AIM2: variants seen among roughly 807,000 people sequenced by gnomAD.
AIM2 encodes the protein interferon-inducible protein AIM2.
In AIM2, 30 loss-of-function variants were observed where a neutral mutation model predicts 27.7. That is an observed-to-expected ratio of 1.08 (90% CI 0.81 to 1.47). The LOEUF (loss-of-function observed/expected upper bound fraction) is 1.47. Among genes scored for constraint, AIM2 ranks in the 40% most tolerant of loss-of-function variants. AIM2 has a pLI of 0.00. For missense variants in AIM2, 358 were observed against 411.3 expected (o/e 0.87, Z 1.12); for synonymous variants, 141 against 145.3 (o/e 0.97, Z 0.21).
intron 1 of AIM2, among the ~76,000 whole-genome samples, chr1:159,076,089 G>T (rs1292101932): frequency 1.3e-5 from 2 of 152,106 alleles, no homozygotes; most frequent in African/African-American, 4.8e-5. Context: ...CAATGATAAA[G>T]CCATCCAAAT....
intron 4 of AIM2, 112 bp from the exon 5 acceptor site, chr1:159,063,786 G>T: frequency 8.8e-7 from 1 of 1,131,502 alleles, no homozygotes; most frequent in Non-Finnish European, 1.3e-6. Context: ...GTTGATTCTT[G>T]AACAACACAG....
intron 1 of AIM2, among the ~76,000 whole-genome samples, chr1:159,116,947 T>A (rs1326508802): frequency 6.6e-6 from 1 of 152,144 alleles, no homozygotes; most frequent in Non-Finnish European, 1.5e-5. Flanking sequence ...TGAATTTTTT[T>A]AAGCTGCATA....
At chr1:159,112,857 A>C (rs556539997) in intron 1 of AIM2, among the ~76,000 whole-genome samples, 4 of 151,638 alleles carry the variant, frequency 2.6e-5, no homozygotes, top group African/African-American at 9.7e-5. Flanking sequence ...TTTCTACTAG[A>C]CTTTTTTTTA....
intron 1 of AIM2, among the ~76,000 whole-genome samples, chr1:159,101,052 GACA>G (rs1290642193): frequency 3.3e-5 from 5 of 152,080 alleles, no homozygotes. Context: ...AGATAAGTTA[GACA>G]ACATCACATA....
intron 1 of AIM2, among the ~76,000 whole-genome samples, chr1:159,084,357 C>A (rs1233250369): frequency 1.3e-5 from 2 of 152,130 alleles, no homozygotes; most frequent in African/African-American, 4.8e-5. Flanking sequence ...TTTCACACAG[C>A]TCAAAACACA....
chr1:159,084,684 G>A (rs1003051390), intron 1 of AIM2, among the ~76,000 whole-genome samples: 5 of 151,734 alleles, frequency 3.3e-5, no homozygotes, highest in African/African-American at 1.2e-4. Flanking sequence ...GAGGCAGGAG[G>A]ATCACTTGAT....
intron 5 of AIM2, 70 bp downstream of exon 5, chr1:159,063,416 C>A: frequency 1.4e-6 from 2 of 1,446,632 alleles, no homozygotes; most frequent in South Asian, 1.4e-5. Flanking sequence ...TGGCTCCAGT[C>A]CGGCTTTCTG....
rs1195192094 is a variant in AIM2, at chr1:159,063,644, C to A, written c.847G>T (p.Asp283Tyr). ...VTEKKKNILF[D>Y]LSDNTGKMEV... The stretch of plus-strand genomic sequence containing the variant: ...ATTTTCCCAGTGTTGTCACTTAGGT[C>A]AAATAATATGTTTTTCTTCTTTTCT... Residue 283 changes from aspartate (D) to tyrosine (Y), a missense_variant, in exon 5 of 6, where the codon GAC becomes TAC. Physicochemically the swap from Asp to Tyr is radical, Grantham distance 160. Transcript: ENST00000368130. 1.9e-6 allele frequency: 3 copies of A among 1,613,054 alleles called. No homozygotes were observed. Among genetic ancestry groups the A allele is most frequent in the Admixed American group, 3.3e-5 (2 of 59,782 alleles).
chr1:159,109,817 C>A (rs1192232164), intron 1 of AIM2, among the ~76,000 whole-genome samples: 1 of 152,090 alleles, frequency 6.6e-6, no homozygotes, highest in Non-Finnish European at 1.5e-5. Context: ...TGCTCAGCAC[C>A]ACTAATGATC....
chr1:159,100,145 G>A (rs897515572), intron 1 of AIM2, among the ~76,000 whole-genome samples: 1 of 152,118 alleles, frequency 6.6e-6, no homozygotes, highest in Admixed American at 6.5e-5. Flanking sequence ...AATGCCTAGG[G>A]TATTCCTACT....
intron 1 of AIM2, among the ~76,000 whole-genome samples, chr1:159,095,868 T>C: frequency 6.6e-6 from 1 of 152,204 alleles, no homozygotes; most frequent in East Asian, 1.9e-4. Context: ...ACTATGGATG[T>C]TCATTTTTCA....
chr1:159,096,930 C>T (rs567595677), intron 1 of AIM2, among the ~76,000 whole-genome samples: 1 of 152,114 alleles, frequency 6.6e-6, no homozygotes, highest in African/African-American at 2.4e-5. Context: ...GATATTGTCA[C>T]CTGCTTGTGA....
At chr1:159,120,598 T>A (rs1647510810) in intron 1 of AIM2, among the ~76,000 whole-genome samples, 1 of 152,122 alleles carries the variant, frequency 6.6e-6, no homozygotes, top group African/African-American at 2.4e-5. Context: ...TTGAACCAGA[T>A]CTAGAAGATT....
chr1:159,142,437 G>A (rs765114630), upstream of AIM2, among the ~76,000 whole-genome samples: 1 of 152,162 alleles, frequency 6.6e-6, no homozygotes, highest in East Asian at 1.9e-4. Context: ...GAGGGAGGAA[G>A]AGTGGGTGTG....
At chr1:159,064,427 GA>G (rs1399141576) in intron 4 of AIM2, among the ~76,000 whole-genome samples, 2 of 152,080 alleles carry the variant, frequency 1.3e-5, no homozygotes, top group African/African-American at 4.8e-5. Flanking sequence ...TTAGTCAAGG[GA>G]AAAAAGAAGA....
rs142558736 is a variant in AIM2 at position 159,066,009 on chromosome 1, C to A, written c.717G>T (p.Pro239=). The A allele has an allele frequency of 2.5e-6, 4 of 1,613,954 alleles. No homozygotes were observed. In the African/African-American group the frequency reaches 5.3e-5, roughly 22 times the overall value. Residue 239 remains proline (P), a synonymous_variant, in exon 4 of 6, where the codon CCG becomes CCT. Coordinates refer to ENST00000368130, the MANE Select transcript of AIM2 (RefSeq NM_004833.3). ...CACCAGCTTTTCTGATAATGTTCAGCGGGACATTAACCTTTTGGTCAGATT... is the reference window on the plus strand; with the variant it reads ...CACCAGCTTTTCTGATAATGTTCAGAGGGACATTAACCTTTTGGTCAGATT... ...DAESDQKVNV[P]LNIIRKAGET... is the part of the protein sequence containing the mutation.
At chr1:159,101,814 T>C (rs1483398408) in intron 1 of AIM2, among the ~76,000 whole-genome samples, 1 of 152,126 alleles carries the variant, frequency 6.6e-6, no homozygotes, top group African/African-American at 2.4e-5. Flanking sequence ...GGGTATCTGG[T>C]GGGAGAAATT....
Position 159,065,968 on chromosome 1 carries a change from T to C in AIM2, c.758A>G (p.Asn253Ser), listed in dbSNP as rs1464229173. Residue 253 changes from asparagine (N) to serine (S), a missense_variant, in exon 4 of 6, where the codon AAC becomes AGC. Transcript: ENST00000368130. Reference sequence around the variant, plus strand: ...TCCAAGGGGCTGAGTTTGAAGCGTGTTGATCTTCGGGGTTTCACCAGCTTT... The same window carrying C: ...TCCAAGGGGCTGAGTTTGAAGCGTGCTGATCTTCGGGGTTTCACCAGCTTT... ...IRKAGETPKI[N>S]TLQTQPLGTI... 3 of 1,614,068 alleles carry C rather than the reference T, an allele frequency of 1.9e-6. No individual in the cohort carries two copies.
Position 159,073,379 on chromosome 1 carries a change from G to C in AIM2, c.121C>G (p.His41Asp). 2 of 1,614,194 alleles carry C rather than the reference G, an allele frequency of 1.2e-6. No homozygotes were observed. Among genetic ancestry groups the C allele is most frequent in the Non-Finnish European group, 1.7e-6 (2 of 1,180,046 alleles). ...GCTACTTGTATTCTGTTTGCAGTAT[G>C]TAGTTTGCCTGTGGCAATATTAAAC... ...DEFNIATGKL[H>D]TANRIQVATL... The change falls in exon 2 of 6, where the codon CAT becomes GAT. Residue 41 changes from histidine to aspartate, a missense_variant. Physicochemically the swap from His to Asp is moderately conservative, Grantham distance 81. Transcript: ENST00000368130.
Sources: allele counts gnomAD v4.1 joint callset (sites outside exome capture counted in the v4.1 genomes callset), GRCh38; gene constraint gnomAD v4.1.1; transcripts MANE v1.5; gene names NCBI Gene and HGNC (gene_info 2026-07-23, HGNC 2026-07-21).